STRN3: variants seen among roughly 807,000 people sequenced by gnomAD.
STRN3 encodes striatin-3.
STRN3 carries 29 observed loss-of-function variants against 95.6 expected under a neutral mutation model. The ratio of observed to expected loss-of-function variants is 0.30; its 90% confidence interval spans 0.23 to 0.41. The LOEUF is 0.41. STRN3 is among the 10% of genes least tolerant of loss of function. STRN3 has a pLI of 1.00. For synonymous variants in STRN3, 331 were observed against 357.6 expected, an observed-to-expected ratio of 0.93 and a Z score of 0.84; for missense variants, 890 against 972.1, an observed-to-expected ratio of 0.92 and a Z score of 1.12.
intron 1 of STRN3, among the ~76,000 whole-genome samples, chr14:30,969,615 G>C (rs1030920081): frequency 2.6e-5 from 4 of 152,048 alleles, no homozygotes; most frequent in Non-Finnish European, 5.9e-5. Context: ...TGGTTGTTTG[G>C]CTTTCTTTGG....
At chr14:30,999,064 G>A (rs1377082313) in intron 1 of STRN3, among the ~76,000 whole-genome samples, 1 of 152,166 alleles carries the variant, frequency 6.6e-6, no homozygotes, top group Non-Finnish European at 1.5e-5. Context: ...GAACTTTTTA[G>A]AATTTTTTAA....
intron 9 of STRN3, among the ~76,000 whole-genome samples, chr14:30,914,278 A>G (rs1217047503): frequency 6.6e-6 from 1 of 152,200 alleles, no homozygotes; most frequent in Non-Finnish European, 1.5e-5. Flanking sequence ...CTAGGAAAAA[A>G]TTCTTCCACC....
intron 4 of STRN3, among the ~76,000 whole-genome samples, chr14:30,948,825 T>C (rs1055478197): frequency 1.3e-5 from 2 of 152,222 alleles, no homozygotes; most frequent in African/African-American, 4.8e-5. Flanking sequence ...TCCAAGTGAT[T>C]TCTCTACTGT....
chr14:31,013,360 G>A (rs950478504), intron 1 of STRN3, among the ~76,000 whole-genome samples: 2 of 151,546 alleles, frequency 1.3e-5, no homozygotes, highest in East Asian at 1.9e-4. Context: ...GCAAAAGAGT[G>A]AGACCCCCAT....
At chr14:31,013,233 GGT>G (rs1477151364) in intron 1 of STRN3, among the ~76,000 whole-genome samples, 2 of 151,940 alleles carry the variant, frequency 1.3e-5, no homozygotes, top group African/African-American at 4.8e-5. Flanking sequence ...AAATTAGTCA[GGT>G]GTGGAAGCAG....
At chr14:30,898,839 C>CT (rs757330571) in intron 16 of STRN3, among the ~76,000 whole-genome samples, 110 of 152,318 alleles carry the variant, frequency 7.2e-4, no homozygotes, top group Non-Finnish European at 1.3e-3. Flanking sequence ...ACCTTAAGCC[C>CT]TTTTACTGGC....
intron 1 of STRN3, among the ~76,000 whole-genome samples, chr14:31,020,273 C>T (rs1199277188): frequency 1.3e-5 from 2 of 151,806 alleles, no homozygotes; most frequent in Non-Finnish European, 2.9e-5. Context: ...CCAAGGCAGG[C>T]GGATTACTTG....
chr14:30,972,638 A>C (rs1880891557), intron 1 of STRN3, among the ~76,000 whole-genome samples: 1 of 151,822 alleles, frequency 6.6e-6, no homozygotes, highest in South Asian at 2.1e-4. Flanking sequence ...CCATCTCTAC[A>C]AAAAATTAAA....
intron 1 of STRN3, among the ~76,000 whole-genome samples, chr14:30,984,137 A>ACCCCCCCCCCCC (rs1555324188): frequency 4.1e-4 from 23 of 56,150 alleles, no homozygotes; most frequent in Non-Finnish European, 5.2e-4. Context: ...GCCCCCCCCA[A>ACCCCCCCCCCCC]CCCCCCCCCA....
chr14:31,015,971 A>G (rs1019169312), intron 1 of STRN3, among the ~76,000 whole-genome samples: 2 of 152,092 alleles, frequency 1.3e-5, no homozygotes, highest in Non-Finnish European at 2.9e-5. Context: ...TGGCTTCAAT[A>G]CTGTTTTTCA....
chr14:30,911,716 C>A, intron 12 of STRN3, 61 bp downstream of exon 12: 1 of 1,442,426 alleles, frequency 6.9e-7, no homozygotes, highest in Non-Finnish European at 9.5e-7. Flanking sequence ...GTTTGAGGAC[C>A]GATAAATAAT....
chr14:30,907,015 C>CT lies in STRN3; in HGVS notation c.1749_1750insA (p.Gly584ArgfsTer12), dbSNP rs755697080. 1 of 1,613,380 alleles carries CT rather than the reference C, an allele frequency of 6.2e-7. No homozygotes were observed. The highest frequency in any genetic ancestry group is 8.5e-7 in the Non-Finnish European group (1 of 1,179,700). On this transcript the variant is annotated frameshift_variant, in exon 14 of 18. Coordinates refer to ENST00000357479, the MANE Select transcript of STRN3 (RefSeq NM_001083893.2). LOFTEE classifies it high-confidence loss of function. ...AGACCCCAAACTGCATCTGTATGAC[C>CT]AACTAAAGTGCCAGCTAGAACATTT...
rs2138995496 is a variant in STRN3, at chr14:30,913,653, T to A, written c.1245A>T (p.Glu415Asp). Reference sequence around the variant, plus strand: ...CTCCTCCAGATGGAAACGTTATTGGTTCAGCTATAAAGAACAAAACCGCTT... The same window carrying A: ...CTCCTCCAGATGGAAACGTTATTGGATCAGCTATAAAGAACAAAACCGCTT... Reference protein sequence around the residue: ...DHEGARAEEAEPITFPSGGGK... With the variant: ...DHEGARAEEADPITFPSGGGK... Residue 415 changes from glutamate to aspartate, a missense_variant, in exon 10 of 18, where the codon GAA becomes GAT. This residue lies in a region of STRN3 where 526 missense variants were observed against 526.3 expected (regional missense o/e 1.00). Coordinates refer to ENST00000357479, the MANE Select transcript of STRN3 (RefSeq NM_001083893.2). 1 of 1,613,456 alleles carries A rather than the reference T, an allele frequency of 6.2e-7. No homozygotes were observed. Among genetic ancestry groups the A allele is most frequent in the Middle Eastern group, 1.7e-4 (1 of 6,058 alleles).
chr14:31,007,021 T>C (rs1292314283), intron 1 of STRN3, among the ~76,000 whole-genome samples: 1 of 152,170 alleles, frequency 6.6e-6, no homozygotes, highest in African/African-American at 2.4e-5. Flanking sequence ...TAAAAGTATA[T>C]TTCCAAACTA....
intron 1 of STRN3, among the ~76,000 whole-genome samples, chr14:31,006,118 CAAAAAAAA>C (rs370320880): frequency 1.3e-5 from 1 of 75,270 alleles, no homozygotes; most frequent in Non-Finnish European, 2.7e-5. Flanking sequence ...GACTCTGTCT[CAAAAAAAA>C]AAAAAAAAAA....
chr14:30,967,472 A>G (rs1244344869), intron 1 of STRN3, among the ~76,000 whole-genome samples: 7 of 152,220 alleles, frequency 4.6e-5, no homozygotes, highest in African/African-American at 1.4e-4. Flanking sequence ...CTTCTCCGTG[A>G]CCCTATAACA....
chr14:31,013,364 C>A (rs540692944), intron 1 of STRN3, among the ~76,000 whole-genome samples: 67 of 151,756 alleles, frequency 4.4e-4, no homozygotes, highest in African/African-American at 1.5e-3. Flanking sequence ...AAGAGTGAGA[C>A]CCCCATCTCA....
chr14:30,971,329 G>C (rs1214721683), intron 1 of STRN3, among the ~76,000 whole-genome samples: 1 of 152,116 alleles, frequency 6.6e-6, no homozygotes, highest in African/African-American at 2.4e-5. Flanking sequence ...AGTGAGAGAA[G>C]CCCCTTATAG....
At chr14:30,955,753 T>C in intron 2 of STRN3, 60 bp from the exon 3 acceptor site, 7 of 1,340,762 alleles carry the variant, frequency 5.2e-6, no homozygotes, top group Non-Finnish European at 7.2e-6. Flanking sequence ...ACTCTTGCTT[T>C]ATATTACTCC....
Sources: gnomAD v4.1 joint callset for allele counts (sites outside exome capture counted in the v4.1 genomes callset) on GRCh38, gnomAD v4.1.1 for gene constraint, gnomAD v4.1.1 regional missense constraint, MANE v1.5 for transcripts, NCBI Gene and HGNC (gene_info 2026-07-23, HGNC 2026-07-21) for gene names.